Variants in BICRAL observed in about 807,000 individuals in gnomAD.
The protein encoded by BICRAL is BICRA like chromatin remodeling complex associated protein.
In BICRAL, 8 loss-of-function variants were observed where a neutral mutation model predicts 91.8. The observed-to-expected ratio is 0.09, with a 90% CI of 0.05 to 0.16. The LOEUF is 0.16. Among genes scored for constraint, BICRAL ranks in the 10% least tolerant of loss-of-function variants. The probability of loss-of-function intolerance (pLI) is 1.00; values close to 1 mark genes in which losing one functional copy is unlikely to be tolerated. For missense variants in BICRAL, 1,038 were observed against 1,310.9 expected (o/e 0.79, Z 3.21); for synonymous variants, 445 against 491.1 (o/e 0.91, Z 1.24).
intron 1 of BICRAL, among the ~76,000 whole-genome samples, chr6:42,764,094 T>C (rs1762598141): frequency 6.7e-6 from 1 of 149,882 alleles, no homozygotes; most frequent in African/African-American, 2.5e-5. Context: ...ATACAAAAAT[T>C]AGCCGGGTGT....
intron 10 of BICRAL, among the ~76,000 whole-genome samples, chr6:42,858,764 C>T (rs1213716553): frequency 1.3e-5 from 2 of 152,024 alleles, no homozygotes; most frequent in African/African-American, 4.8e-5. Context: ...TTCCCATGAG[C>T]CGAGATCGTG....
chr6:42,784,858 A>ATAT (rs1164991127), intron 1 of BICRAL, among the ~76,000 whole-genome samples: 2 of 152,132 alleles, frequency 1.3e-5, no homozygotes, highest in Non-Finnish European at 2.9e-5. Context: ...TTGATGTTCA[A>ATAT]TATTGACATT....
chr6:42,837,198 C>T (rs1354302836), intron 6 of BICRAL, among the ~76,000 whole-genome samples: 2 of 151,830 alleles, frequency 1.3e-5, no homozygotes, highest in African/African-American at 2.4e-5. Context: ...CTGCCTGCCT[C>T]GGCCTCCCAA....
chr6:42,848,021 CGGGAGGCTGAGGCAG>C (rs1765070233), intron 6 of BICRAL, among the ~76,000 whole-genome samples: 1 of 151,380 alleles, frequency 6.6e-6, no homozygotes, highest in African/African-American at 2.4e-5. Flanking sequence ...CCCAGCTACT[CGGGAGGCTGAGGCAG>C]GAGAACGGCG....
intron 10 of BICRAL, among the ~76,000 whole-genome samples, chr6:42,858,173 C>G (rs1765444813): frequency 6.6e-6 from 1 of 151,798 alleles, no homozygotes. Flanking sequence ...CCCTAAGATT[C>G]CAAAATGAGT....
intron 1 of BICRAL, among the ~76,000 whole-genome samples, chr6:42,757,866 A>G (rs1190913789): frequency 2.0e-5 from 3 of 152,232 alleles, no homozygotes; most frequent in African/African-American, 7.2e-5. Flanking sequence ...CGTAGAGTTA[A>G]GATTTGTACG....
chr6:42,795,398 T>C (rs752858877), intron 1 of BICRAL, among the ~76,000 whole-genome samples: 2 of 152,226 alleles, frequency 1.3e-5, no homozygotes, highest in Non-Finnish European at 2.9e-5. Flanking sequence ...GCCACTGCAC[T>C]CCAGCCTGGG....
At chr6:42,828,412 A>AG in intron 5 of BICRAL, 81 bp from the exon 6 acceptor site, 2 of 1,344,380 alleles carry the variant, frequency 1.5e-6, no homozygotes, top group East Asian at 4.7e-5. Flanking sequence ...AAAAAAAAAA[A>AG]AAAAGTAAAA....
intron 1 of BICRAL, among the ~76,000 whole-genome samples, chr6:42,776,250 G>A (rs999691624): frequency 3.3e-5 from 5 of 152,078 alleles, no homozygotes; most frequent in African/African-American, 1.2e-4. Flanking sequence ...TCTTGGCCAG[G>A]CTGGTCTTGA....
intron 1 of BICRAL, among the ~76,000 whole-genome samples, chr6:42,753,254 G>C (rs891509226): frequency 1.6e-4 from 25 of 152,014 alleles, no homozygotes; most frequent in African/African-American, 5.8e-4. Context: ...TGTAGAGACA[G>C]GGTCTTGCTG....
At chr6:42,757,676 C>T (rs1051688949) in intron 1 of BICRAL, among the ~76,000 whole-genome samples, 10 of 152,206 alleles carry the variant, frequency 6.6e-5, no homozygotes, top group African/African-American at 1.9e-4. Flanking sequence ...CATGAGCCAC[C>T]GCGCCCAGCC....
At position 42,773,605 on chromosome 6, in the gene BICRAL, C is replaced by T. The variant is rs974618942; in HGVS notation, c.-260-8234C>T. ...TCTCAGCTCACTGCAACCTCTGCCT[C>T]CTGGGTTCAAGCGATTCTCATGCCT... is the stretch of plus-strand genomic sequence containing the variant. On this transcript the variant is annotated intron_variant, in intron 1 of 14. Coordinates refer to the BICRAL transcript ENST00000614467. Among the ~76,000 whole-genome samples the T allele has an allele frequency of 3.9e-5, 6 of 152,176 alleles. No individual in the cohort carries two copies. The East Asian group carries it at 1.2e-3, about 29-fold the overall frequency.
chr6:42,761,980 T>C (rs1369067624), intron 1 of BICRAL, among the ~76,000 whole-genome samples: 1 of 152,098 alleles, frequency 6.6e-6, no homozygotes, highest in South Asian at 2.1e-4. Flanking sequence ...GCTTACAGTA[T>C]GGAAAAGTAC....
chr6:42,842,671 G>A (rs780697913), intron 6 of BICRAL, among the ~76,000 whole-genome samples: 10 of 152,100 alleles, frequency 6.6e-5, no homozygotes, highest in Non-Finnish European at 7.3e-5. Context: ...TCCCTTCACT[G>A]ATCTCTTCCT....
upstream of BICRAL, among the ~76,000 whole-genome samples, chr6:42,779,226 AC>A (rs1562456215): frequency 1.8e-3 from 14 of 7,894 alleles, no homozygotes; most frequent in Admixed American, 5.4e-3. Context: ...CAAGAAAAAC[AC>A]ACACACACAC....
chr6:42,795,709 TTTAAGA>T (rs1275389136), intron 1 of BICRAL, among the ~76,000 whole-genome samples: 1 of 152,202 alleles, frequency 6.6e-6, no homozygotes, highest in Admixed American at 6.5e-5. Context: ...GTTCCATTCT[TTTAAGA>T]TTAACTTTTA....
At chr6:42,811,411 G>A (rs559719092) in intron 2 of BICRAL, among the ~76,000 whole-genome samples, 25 of 152,092 alleles carry the variant, frequency 1.6e-4, no homozygotes, top group South Asian at 8.3e-4. Context: ...TCACGAGGTC[G>A]AGAGATCGAG....
Position 42,867,159 on chromosome 6 carries a change from G to T in BICRAL, c.*1713G>T, listed in dbSNP as rs189431634. The T allele has an allele frequency of 7.5e-5, 17 of 227,604 alleles. No homozygotes were observed. In the East Asian group the frequency reaches 1.9e-3, roughly 26 times the overall value. The allele number at this position is 227,604 out of a possible 1,614,324, so 14.1% of individuals were successfully genotyped here. On this transcript the variant is annotated 3_prime_UTR_variant, in exon 13 of 13. Coordinates refer to ENST00000314073, the MANE Select transcript of BICRAL (RefSeq NM_001393499.1). ...CATCATGTTGGGCATTTCTTTTCCA[G>T]ATTGGCCTGTGATGGAAAGGAAGGC...
chr6:42,865,387 G>T lies in BICRAL; in HGVS notation c.3181G>T (p.Gly1061Cys). ...LEKFIPDHSEGVVETDSILEA... is the reference protein window; with the variant it reads ...LEKFIPDHSECVVETDSILEA... ...AAAGTTCATCCCGGACCACAGTGAAGGTGTTGTAGAAACTGACTCCATTTT... is the reference window on the plus strand; with the variant it reads ...AAAGTTCATCCCGGACCACAGTGAATGTGTTGTAGAAACTGACTCCATTTT... The change falls in exon 13 of 13, where the codon GGT (glycine) becomes TGT (cysteine). Residue 1061 changes from glycine (G) to cysteine (C), a missense_variant. Around this residue, in one of 5 missense-constraint regions of BICRAL, gnomAD observed 92 missense variants for 147.8 expected, o/e 0.62. Coordinates refer to ENST00000314073, the MANE Select transcript of BICRAL (RefSeq NM_001393499.1). The T allele has an allele frequency of 6.2e-7, 1 of 1,613,554 alleles. No individual in the cohort carries two copies. Among genetic ancestry groups the T allele is most frequent in the South Asian group, 1.1e-5 (1 of 91,054 alleles).
Sources: gnomAD v4.1 joint callset for allele counts (sites outside exome capture counted in the v4.1 genomes callset) on GRCh38, gnomAD v4.1.1 for gene constraint, gnomAD v4.1.1 regional missense constraint, MANE v1.5 for transcripts, NCBI Gene and HGNC (gene_info 2026-07-23, HGNC 2026-07-21) for gene names.